PLXNB3: variants seen among roughly 807,000 people sequenced by gnomAD.
The protein encoded by PLXNB3 is plexin B3, also known as plexin-B3.
A neutral mutation model predicts 125.7 loss-of-function variants in PLXNB3; 80 were observed. The ratio of observed to expected loss-of-function variants is 0.64; its 90% CI spans 0.53 to 0.77. The LOEUF (loss-of-function observed/expected upper bound fraction) is 0.77, where lower values mean the gene tolerates loss of function less well. Among genes scored for constraint, PLXNB3 ranks in the 30% least tolerant of loss-of-function variants. The probability of loss-of-function intolerance (pLI) is 0.00; values close to 1 mark genes in which losing one functional copy is unlikely to be tolerated. For synonymous variants in PLXNB3, 954 were observed against 783.3 expected (o/e 1.22, Z -3.64); for missense variants, 1,836 against 1,729.3 (o/e 1.06, Z -1.09).
At position 153,775,670 on chromosome X, in the gene PLXNB3, A is replaced by T. The variant is rs2091977668; in HGVS notation, c.4401+10A>T. ...GTACGCCTTCCTGAGGGTGAGGGGC[A>T]CTGTCCCGCCTGCTCCCAGCCCTGA... is the stretch of plus-strand genomic sequence containing the variant. On this transcript the variant is annotated intron_variant, in intron 26 of 35. Transcript: ENST00000361971. The T allele has an allele frequency of 3.3e-6, 4 of 1,201,931 alleles. No homozygotes were observed. The highest frequency in any genetic ancestry group is 2.2e-5 in the Admixed American group (1 of 45,893).
chrX:153,766,780 A>C, intron 2 of PLXNB3, 93 bp from the exon 3 acceptor site: 6 of 1,088,382 alleles, frequency 5.5e-6, no homozygotes, highest in Non-Finnish European at 7.1e-6. Context: ...CCTGGCCCTG[A>C]GCACCCTGGC....
At chrX:153,772,770 G>T (rs781890849) in intron 16 of PLXNB3, 116 bp from the exon 17 acceptor site, 1 of 1,040,397 alleles carries the variant, frequency 9.6e-7, no homozygotes, top group Admixed American at 4.7e-5. Context: ...TTGGCCCCAG[G>T]AGGTGAAGTC....
At chrX:153,768,573 C>G (rs1436519946) in intron 4 of PLXNB3, 145 bp downstream of exon 4, 1 of 542,844 alleles carries the variant, frequency 1.8e-6, no homozygotes, top group Non-Finnish European at 2.9e-6. Context: ...CTGAGCACTG[C>G]CCCCTGCAGC....
intron 17 of PLXNB3, 45 bp from the exon 18 acceptor site, chrX:153,773,185 G>A (rs891513334): frequency 8.7e-7 from 1 of 1,152,344 alleles, no homozygotes; most frequent in South Asian, 2.0e-5. Flanking sequence ...CTGGGGTAGA[G>A]GGGTGGTAGA....
chrX:153,773,941 G>C lies in PLXNB3; in HGVS notation c.3362G>C (p.Arg1121Pro). 1 of 1,210,998 alleles carries C rather than the reference G, an allele frequency of 8.3e-7. No homozygotes were observed. The highest frequency in any genetic ancestry group is 1.1e-6 in the Non-Finnish European group (1 of 895,327). ...GTACCAGACAGAGCCCACCCGCAGC[G>C]GGTCTTCTTCACCCTAGACAACGTG... ...PAVPDRAHPQ[R>P]VFFTLDNVQV... Residue 1121 changes from arginine to proline, a missense_variant, in exon 20 of 36, where the codon CGG (arginine) becomes CCG (proline). Transcript: ENST00000361971.
At position 153,770,563 on chromosome X, in the gene PLXNB3, A is replaced by G; in HGVS notation, c.1931A>G (p.His644Arg). The G allele has an allele frequency of 8.3e-7, 1 of 1,211,215 alleles. No homozygotes were observed. ...TGCGTGGGCAGCATCTGGCGGTGTC[A>G]CTGGTGCCCGCAGAGTAGCCACTGC... ...RACVGSIWRC[H>R]WCPQSSHCVY... The change falls in exon 10 of 36, where the codon CAC becomes CGC. Residue 644 changes from histidine to arginine, a missense_variant. By Grantham distance (29) the His-to-Arg change is conservative. Transcript: ENST00000361971.
chrX:153,772,390 G>C (rs2148423593), intron 16 of PLXNB3, 103 bp downstream of exon 16: 1 of 617,184 alleles, frequency 1.6e-6, no homozygotes, highest in South Asian at 2.8e-5. Context: ...GCGGGGAGCA[G>C]GAAGCACCGC....
Position 153,776,984 on chromosome X carries a change from A to G in PLXNB3, c.4927+4A>G. 8.7e-7 allele frequency: 1 copy of G among 1,151,399 alleles called. No homozygotes were observed. 94.9% of individuals were successfully genotyped at this position (1,151,399 alleles called of 1,213,427 possible). A position where few individuals can be genotyped will look rare whatever the true frequency, so the allele number is the denominator to read the frequency against. ...CAGAGGTGCCCCTTGGGAGAGAGTG[A>G]GTCCCTCGGCCCTGACCTGGGGCCA... On this transcript the variant is annotated splice_donor_region_variant and intron_variant, in intron 29 of 35. Transcript: ENST00000361971.
At position 153,767,080 on chromosome X, in the gene PLXNB3, G is replaced by A. The variant is rs782735815; in HGVS notation, c.253G>A (p.Ala85Thr). ...FQLSPELQLE[A>T]VAVTGPVIDS... ...GCTCAGCCCCGAGCTGCAGCTCGAG[G>A]CCGTGGCTGTCACTGGCCCTGTAAT... The change falls in exon 3 of 36, where the codon GCC becomes ACC. Residue 85 changes from alanine (A) to threonine (T), a missense_variant. Ala to Thr is a moderately conservative substitution (Grantham distance 58). Transcript: ENST00000361971. The A allele has an allele frequency of 1.3e-4, 152 of 1,209,448 alleles. No individual in the cohort carries two copies. The highest frequency in any genetic ancestry group is 1.6e-4 in the Non-Finnish European group (146 of 895,092).
At chrX:153,769,284 A>G (rs2091895747) in intron 6 of PLXNB3, 22 bp downstream of exon 6, 18 of 1,110,251 alleles carry the variant, frequency 1.6e-5, no homozygotes, top group Non-Finnish European at 2.2e-5. Context: ...GCCTGTGCCT[A>G]GGCTAGGGCC....
rs1446053887 is a variant in PLXNB3 at position 153,766,710 on chromosome X, CTCTG to C, written c.46-159_46-156del. ...TTATGTCCCCCTCTCTCTGTGCCCCCTCTGTCTCCTTGTCTCCGCTCACTCTCTC... is the reference window on the plus strand; with the variant it reads ...TTATGTCCCCCTCTCTCTGTGCCCCCTCTCCTTGTCTCCGCTCACTCTCTC... On this transcript the variant is annotated intron_variant, in intron 2 of 35. Transcript: ENST00000361971. 6 of 730,701 alleles carry C rather than the reference CTCTG, an allele frequency of 8.2e-6. No individual in the cohort carries two copies. The Admixed American group carries it at 3.6e-4, about 44-fold the overall frequency. 60.2% of individuals were successfully genotyped at this position (730,701 alleles called of 1,213,427 possible).
chrX:153,771,879 G>C lies in PLXNB3; in HGVS notation c.2533G>C (p.Gly845Arg), dbSNP rs782232949. The part of the protein sequence containing the change: ...PSIDAVEPLT[G>R]PPEGGLALTI... The stretch of plus-strand genomic sequence containing the variant: ...CCTGCTGCAGGTCGAGCCCCTGACC[G>C]GTCCCCCTGAGGGAGGCTTGGCCCT... Residue 845 changes from glycine (G) to arginine (R), a missense_variant, in exon 15 of 36, where the codon GGT (glycine) becomes CGT (arginine). Coordinates refer to ENST00000361971, the MANE Select transcript of PLXNB3 (RefSeq NM_005393.3). 1 of 1,208,405 alleles carries C rather than the reference G, an allele frequency of 8.3e-7. No homozygotes were observed. The highest frequency in any genetic ancestry group is 1.8e-5 in the South Asian group (1 of 56,780).
In PLXNB3 at chrX:153,770,998, C is replaced by G. The variant is rs1366051110; in HGVS notation, c.2170C>G (p.Leu724Val). The G allele has an allele frequency of 4.1e-6, 5 of 1,211,051 alleles. No homozygotes were observed. The highest frequency in any genetic ancestry group is 5.6e-6 in the Non-Finnish European group (5 of 895,465). ...TGCCTCCTTCCACTGCTGGCTGGAG[C>G]TGCCTGGAGAACTTCGGGGACTGCC... The part of the protein sequence containing the change: ...LPASFHCWLE[L>V]PGELRGLPAT... The change falls in exon 12 of 36, where the codon CTG (leucine) becomes GTG (valine). Residue 724 changes from leucine to valine, a missense_variant. Transcript: ENST00000361971.
intron 6 of PLXNB3, 126 bp downstream of exon 6, chrX:153,769,388 C>T (rs1300533815): frequency 4.3e-5 from 22 of 515,571 alleles, no homozygotes; most frequent in East Asian, 7.4e-5. Flanking sequence ...AGGGCCACCA[C>T]GGAGGTCACC....
intron 16 of PLXNB3, 183 bp from the exon 17 acceptor site, chrX:153,772,703 G>A (rs1354824648): frequency 3.1e-4 from 316 of 1,026,999 alleles, no homozygotes; most frequent in Non-Finnish European, 3.7e-4. Flanking sequence ...CGGCAGGGGT[G>A]GGTGGGAGGA....
rs781894023 is a variant in PLXNB3, at chrX:153,777,551, C to A, written c.5124C>A (p.Asp1708Glu). The change falls in exon 31 of 36, where the codon GAC becomes GAA. Residue 1708 changes from aspartate (D) to glutamate (E), a missense_variant. Transcript: ENST00000361971. ...SMKGTLQKFV[D>E]DTFQAILSVN... ...AGGGCACGCTGCAGAAGTTTGTGGACGACACCTTCCAGGCCATTCTCAGCG... is the reference window on the plus strand; with the variant it reads ...AGGGCACGCTGCAGAAGTTTGTGGAAGACACCTTCCAGGCCATTCTCAGCG... The A allele has an allele frequency of 8.3e-7, 1 of 1,210,495 alleles. No individual in the cohort carries two copies. Among genetic ancestry groups the A allele is most frequent in the Non-Finnish European group, 1.1e-6 (1 of 895,215 alleles).
rs1290637095 is a variant in PLXNB3 at position 153,776,680 on chromosome X, C to T, written c.4834-207C>T. Among the ~76,000 whole-genome samples, 21 of 27,313 alleles carry T rather than the reference C, an allele frequency of 7.7e-4. No homozygotes were observed. The South Asian group carries it at 0.031, about 40-fold the overall frequency. The allele number at this position is 27,313 out of a possible 115,157, so 23.7% of individuals were successfully genotyped here. A position where few individuals can be genotyped will look rare whatever the true frequency, so the allele number is the denominator to read the frequency against. On this transcript the variant is annotated intron_variant, in intron 28 of 35. Coordinates refer to ENST00000361971, the MANE Select transcript of PLXNB3 (RefSeq NM_005393.3). ...GAGGCACGGCAGGGCGAGGATGGGG[C>T]GGGGCGAGGCAGGGCGGGGCTGGGG...
chrX:153,774,683 A>G, intron 22 of PLXNB3, 23 bp from the exon 23 acceptor site: 1 of 1,152,036 alleles, frequency 8.7e-7, no homozygotes, highest in Admixed American at 2.6e-5. Flanking sequence ...GCCCTGGCTG[A>G]TGAAGCTGGC....
At chrX:153,778,238 C>A (rs373459213) in intron 32 of PLXNB3, 23 bp from the exon 33 acceptor site, 4 of 1,199,591 alleles carry the variant, frequency 3.3e-6, no homozygotes, top group African/African-American at 1.7e-5. Context: ...TCATGCCTAG[C>A]GCCTCCCCTC....
Sources: gnomAD v4.1 joint callset for allele counts (sites outside exome capture counted in the v4.1 genomes callset) on GRCh38, gnomAD v4.1.1 for gene constraint, MANE v1.5 for transcripts, NCBI Gene and HGNC (gene_info 2026-07-23, HGNC 2026-07-21) for gene names.